Variants in LMAN1 observed in about 807,000 individuals in gnomAD.
LMAN1 encodes the protein protein ERGIC-53.
Under a neutral mutation model 67.8 loss-of-function variants are expected in LMAN1, and 32 were observed. The ratio of observed to expected loss-of-function variants is 0.47; its 90% CI spans 0.36 to 0.63. The LOEUF (loss-of-function observed/expected upper bound fraction) is 0.63. Ranked by LOEUF, LMAN1 falls within the 30% of genes least tolerant of loss-of-function variation. LMAN1 has a pLI of 0.00. For synonymous variants in LMAN1, 235 were observed against 219.3 expected (o/e 1.07, Z -0.63); for missense variants, 632 against 628.2 (o/e 1.01, Z -0.06).
Position 59,333,116 on chromosome 18 carries a change from A to C in LMAN1, c.1349T>G (p.Ile450Arg). Residue 450 changes from isoleucine (I) to arginine (R), a missense_variant, in exon 11 of 13, where the codon ATA (isoleucine) becomes AGA (arginine). Ile to Arg is a moderately conservative substitution (Grantham distance 97, BLOSUM62 -3). Transcript: ENST00000251047. ...KEHLHIVKRD[I>R]DNLVQRNMPS... Reference sequence around the variant, plus strand: ...CATATTTCGCTGCACTAAGTTATCTATGTCCCTCTTTACTATGTGCAGGTG... The same window carrying C: ...CATATTTCGCTGCACTAAGTTATCTCTGTCCCTCTTTACTATGTGCAGGTG... 1 of 1,613,596 alleles carries C rather than the reference A, an allele frequency of 6.2e-7. No individual in the cohort carries two copies. Among genetic ancestry groups the C allele is most frequent in the Non-Finnish European group, 8.5e-7 (1 of 1,179,560 alleles).
intron 6 of LMAN1, 149 bp downstream of exon 6, chr18:59,348,964 A>G: frequency 1.1e-6 from 1 of 926,422 alleles, no homozygotes; most frequent in African/African-American, 1.6e-5. Context: ...CAATCTCAAC[A>G]GACCAAAAGA....
At chr18:59,334,689 G>C (rs1908103023) in intron 10 of LMAN1, among the ~76,000 whole-genome samples, 1 of 152,214 alleles carries the variant, frequency 6.6e-6, no homozygotes, top group Non-Finnish European at 1.5e-5. Context: ...AGATGGAGAA[G>C]TGGGAAGAGG....
intron 6 of LMAN1, among the ~76,000 whole-genome samples, chr18:59,347,834 T>C (rs1481528711): frequency 6.6e-6 from 1 of 152,188 alleles, no homozygotes; most frequent in Non-Finnish European, 1.5e-5. Flanking sequence ...TAACATATAA[T>C]AGATGTTTAA....
At chr18:59,354,432 G>C in intron 4 of LMAN1, 87 bp downstream of exon 4, 1 of 771,510 alleles carries the variant, frequency 1.3e-6, no homozygotes, top group Admixed American at 2.1e-5. Flanking sequence ...TTTTCATTTG[G>C]AAGGTGTTCA....
intron 6 of LMAN1, 118 bp downstream of exon 6, chr18:59,348,995 A>T: frequency 8.3e-7 from 1 of 1,206,728 alleles, no homozygotes; most frequent in Non-Finnish European, 1.2e-6. Flanking sequence ...AGGTGATGGG[A>T]AAGTTCCAAA....
chr18:59,331,491 A>G lies in LMAN1; in HGVS notation c.1423T>C (p.Cys475Arg), dbSNP rs2070747350. 1 of 1,612,400 alleles carries G rather than the reference A, an allele frequency of 6.2e-7. No homozygotes were observed. The highest frequency in any genetic ancestry group is 8.5e-7 in the Non-Finnish European group (1 of 1,178,670). ...ATAATGAAGTGGACCGTAGACAAAC[A>G]TGATGGAAATGGTGGTAGTTCTGGG... The part of the protein sequence containing the change: ...KCPELPPFPS[C>R]LSTVHFIIFV... The change falls in exon 12 of 13, where the codon TGT (cysteine) becomes CGT (arginine). Residue 475 changes from cysteine to arginine, a missense_variant. Coordinates refer to ENST00000251047, the MANE Select transcript of LMAN1 (RefSeq NM_005570.4).
At chr18:59,337,171 T>C (rs1340002004) in intron 10 of LMAN1, among the ~76,000 whole-genome samples, 1 of 148,230 alleles carries the variant, frequency 6.7e-6, no homozygotes, top group Non-Finnish European at 1.5e-5. Context: ...ATAATATATA[T>C]AATTATATTA....
chr18:59,353,116 T>C, intron 5 of LMAN1, 86 bp downstream of exon 5: 1 of 1,152,796 alleles, frequency 8.7e-7, no homozygotes, highest in Non-Finnish European at 1.3e-6. Flanking sequence ...CAAATTTAAG[T>C]GCATTTAATT....
At chr18:59,331,616 A>T in intron 11 of LMAN1, 77 bp from the exon 12 acceptor site, 1 of 1,496,166 alleles carries the variant, frequency 6.7e-7, no homozygotes, top group Admixed American at 1.7e-5. Context: ...AAATCTTTAT[A>T]AAACTGTTTG....
chr18:59,332,282 C>G (rs140077079), intron 11 of LMAN1, among the ~76,000 whole-genome samples: 3 of 151,886 alleles, frequency 2.0e-5, no homozygotes, highest in African/African-American at 7.2e-5. Context: ...ACTAAGGGGA[C>G]AGATAATAAT....
chr18:59,353,444 T>A, intron 4 of LMAN1, 143 bp from the exon 5 acceptor site: 2 of 677,088 alleles, frequency 3.0e-6, no homozygotes, highest in African/African-American at 3.6e-5. Context: ...CGAGACTACA[T>A]GAGACTAAGG....
Position 59,331,830 on chromosome 18 carries a change from G to A in LMAN1, c.1375-291C>T, listed in dbSNP as rs528213344. Among the ~76,000 whole-genome samples, 6 of 152,214 alleles carry A rather than the reference G, an allele frequency of 3.9e-5. No homozygotes were observed. The South Asian group carries it at 1.0e-3, about 26-fold the overall frequency. On this transcript the variant is annotated intron_variant, in intron 11 of 12. Coordinates refer to ENST00000251047, the MANE Select transcript of LMAN1 (RefSeq NM_005570.4). ...GCTGTCCCTGAGGTCACTGAGACTA[G>A]CGTCACCACAGACAACTCCTCTGGA...
intron 8 of LMAN1, among the ~76,000 whole-genome samples, chr18:59,339,254 G>A (rs1908233866): frequency 1.3e-5 from 2 of 152,174 alleles, no homozygotes; most frequent in African/African-American, 4.8e-5. Context: ...CAAGTAGTAT[G>A]TACCTCCTCC....
At position 59,329,868 on chromosome 18, in the gene LMAN1, G is replaced by A. The variant is rs1267766978; in HGVS notation, c.*1225C>T. 1 of 152,070 alleles carries A rather than the reference G, an allele frequency of 6.6e-6. No individual in the cohort carries two copies. The highest frequency in any genetic ancestry group is 2.4e-5 in the African/African-American group (1 of 41,422). The allele number at this position is 152,070 out of a possible 1,614,324, so 9.4% of individuals were successfully genotyped here. A position where few individuals can be genotyped will look rare whatever the true frequency, so the allele number is the denominator to read the frequency against. On this transcript the variant is annotated 3_prime_UTR_variant, in exon 13 of 13. Coordinates refer to ENST00000251047, the MANE Select transcript of LMAN1 (RefSeq NM_005570.4). ...AAAAGAAGTAAAAGAGTATTTTGAA[G>A]GCAGCAAAAATCAGTATAAATCAGC...
chr18:59,340,531 C>A (rs1908263992), intron 8 of LMAN1, among the ~76,000 whole-genome samples: 1 of 151,818 alleles, frequency 6.6e-6, no homozygotes, highest in Non-Finnish European at 1.5e-5. Context: ...AATTTTATAT[C>A]CTGCTAGAAT....
intron 6 of LMAN1, 65 bp downstream of exon 6, chr18:59,349,048 T>C: frequency 1.3e-6 from 2 of 1,576,144 alleles, no homozygotes; most frequent in Non-Finnish European, 1.7e-6. Flanking sequence ...TACATATCCC[T>C]AATATACTAT....
Position 59,329,154 on chromosome 18 carries a change from C to T in LMAN1, c.*1939G>A, listed in dbSNP as rs2070732377. The T allele has an allele frequency of 6.6e-6, 1 of 152,170 alleles. No homozygotes were observed. Among genetic ancestry groups the T allele is most frequent in the South Asian group, 2.1e-4 (1 of 4,832 alleles). The allele number at this position is 152,170 out of a possible 1,614,324, so 9.4% of individuals were successfully genotyped here. On this transcript the variant is annotated 3_prime_UTR_variant, in exon 13 of 13. Coordinates refer to ENST00000251047, the MANE Select transcript of LMAN1 (RefSeq NM_005570.4). ...AATATGATACACATCATGTGAACTA[C>T]TTTGCTGAGTGATTTTCAAGCAAAG...
chr18:59,353,292 A>C lies in LMAN1; in HGVS notation c.549T>G (p.Ala183=). ...TCTGGCAACTTGCCAAAGCTTGACT[A>C]GCCCCGTCACTATAGTGTAAGGGGG... The part of the protein sequence containing the change: ...QIHYDHQNDG[A]SQALASCQRD... Residue 183 remains alanine (A), a synonymous_variant, in exon 5 of 13, where the codon GCT becomes GCG. Transcript: ENST00000251047. 6.2e-7 allele frequency: 1 copy of C among 1,613,702 alleles called. No homozygotes were observed. The highest frequency in any genetic ancestry group is 8.5e-7 in the Non-Finnish European group (1 of 1,179,602).
At position 59,336,600 on chromosome 18, in the gene LMAN1, G is replaced by A. The variant is rs554349974; in HGVS notation, c.1220+1957C>T. Reference sequence around the variant, plus strand: ...GGAATTATTTCGAAATATAAACATCGGGGCCAGGCGTGGTGGCTCACGCCT... The same window carrying A: ...GGAATTATTTCGAAATATAAACATCAGGGCCAGGCGTGGTGGCTCACGCCT... On this transcript the variant is annotated intron_variant, in intron 10 of 12. Coordinates refer to ENST00000251047, the MANE Select transcript of LMAN1 (RefSeq NM_005570.4). Among the ~76,000 whole-genome samples, 28 of 152,206 alleles carry A rather than the reference G, an allele frequency of 1.8e-4. No individual in the cohort carries two copies. In the East Asian group the frequency reaches 5.2e-3, roughly 28 times the overall value.
Sources: gnomAD v4.1 joint callset for allele counts (sites outside exome capture counted in the v4.1 genomes callset) on GRCh38, gnomAD v4.1.1 for gene constraint, MANE v1.5 for transcripts, NCBI Gene and HGNC (gene_info 2026-07-23, HGNC 2026-07-21) for gene names.